MACROD2: variants seen among roughly 807,000 people sequenced by gnomAD.
MACROD2 encodes the protein mono-ADP ribosylhydrolase 2.
MACROD2 carries 36 observed loss-of-function variants against 70.4 expected under a neutral mutation model. The ratio of observed to expected loss-of-function variants is 0.51; its 90% CI spans 0.39 to 0.68. The LOEUF is 0.68. Among genes scored for constraint, MACROD2 ranks in the 30% least tolerant of loss-of-function variants. The pLI is 0.00. For synonymous variants in MACROD2, 172 were observed against 178.8 expected (o/e 0.96, Z 0.30); for missense variants, 496 against 538.4 (o/e 0.92, Z 0.78).
chr20:14,113,412 G>T (rs904559537), intron 3 of MACROD2, among the ~76,000 whole-genome samples: 5 of 151,866 alleles, frequency 3.3e-5, no homozygotes, highest in African/African-American at 9.7e-5. Context: ...TTCTACACTG[G>T]GATTATGAAC....
intron 5 of MACROD2, among the ~76,000 whole-genome samples, chr20:14,790,585 G>T (rs1379111926): frequency 6.6e-6 from 1 of 152,026 alleles, no homozygotes; most frequent in Admixed American, 6.6e-5. Context: ...TTAATTAAGG[G>T]GCTGTGAATA....
At chr20:15,050,364 T>A (rs898136540) in intron 5 of MACROD2, among the ~76,000 whole-genome samples, 1 of 152,128 alleles carries the variant, frequency 6.6e-6, no homozygotes, top group African/African-American at 2.4e-5. Flanking sequence ...ATAATTTATC[T>A]CCATACTTTT....
chr20:14,850,001 T>G (rs373061693), intron 5 of MACROD2: 1 of 517,826 alleles, frequency 1.9e-6, no homozygotes, highest in Non-Finnish European at 3.9e-6. Flanking sequence ...TACCAAAGAT[T>G]AAGTATGTTT....
intron 5 of MACROD2, among the ~76,000 whole-genome samples, chr20:14,744,158 C>T (rs980070520): frequency 6.6e-6 from 1 of 152,158 alleles, no homozygotes; most frequent in African/African-American, 2.4e-5. Flanking sequence ...AAATTTGTTA[C>T]AGCAGCCAGA....
chr20:15,275,519 T>G (rs2077383495), intron 6 of MACROD2, among the ~76,000 whole-genome samples: 1 of 152,218 alleles, frequency 6.6e-6, no homozygotes, highest in Non-Finnish European at 1.5e-5. Context: ...CAAAGTAGAC[T>G]GGGCATCAAA....
chr20:15,531,716 G>A (rs773507721), intron 8 of MACROD2, among the ~76,000 whole-genome samples: 2 of 152,084 alleles, frequency 1.3e-5, no homozygotes, highest in Non-Finnish European at 2.9e-5. Flanking sequence ...GTTATGACTC[G>A]TTCTCTTTTA....
At chr20:14,610,990 A>G (rs1191510220) in intron 4 of MACROD2, among the ~76,000 whole-genome samples, 1 of 152,114 alleles carries the variant, frequency 6.6e-6, no homozygotes, top group Non-Finnish European at 1.5e-5. Flanking sequence ...TATTTTAGTC[A>G]TTTCATAGAG....
Position 15,518,998 on chromosome 20 carries a change from T to C in MACROD2, c.645+19151T>C, listed in dbSNP as rs531912287. ...TTACTATTTTCTATGTGCCGGACATTGTGCTAAGTGTGAATTCTCACCAGG... is the reference window on the plus strand; with the variant it reads ...TTACTATTTTCTATGTGCCGGACATCGTGCTAAGTGTGAATTCTCACCAGG... On this transcript the variant is annotated intron_variant, in intron 8 of 17. Coordinates refer to ENST00000684519, the MANE Select transcript of MACROD2 (RefSeq NM_001351661.2). 5.9e-5 allele frequency among the ~76,000 whole-genome samples: 9 copies of C among 152,346 alleles called. No homozygotes were observed. In the East Asian group the frequency reaches 1.7e-3, roughly 29 times the overall value.
At chr20:14,105,740 CCTT>C (rs779846152) in intron 3 of MACROD2, among the ~76,000 whole-genome samples, 13 of 152,258 alleles carry the variant, frequency 8.5e-5, no homozygotes, top group South Asian at 2.1e-4. Flanking sequence ...AAAAGTGACT[CCTT>C]CTTTCTACTT....
At chr20:14,304,036 C>T (rs2082498760) in intron 3 of MACROD2, among the ~76,000 whole-genome samples, 1 of 152,140 alleles carries the variant, frequency 6.6e-6, no homozygotes, top group African/African-American at 2.4e-5. Context: ...TATTCTGTAC[C>T]ACTTTATTTC....
chr20:14,924,776 A>T (rs915470375), intron 5 of MACROD2, among the ~76,000 whole-genome samples: 2 of 152,122 alleles, frequency 1.3e-5, no homozygotes, highest in Non-Finnish European at 2.9e-5. Flanking sequence ...CTCTGAAGAG[A>T]CACAGATGAA....
chr20:14,231,709 C>T (rs551717538), intron 3 of MACROD2, among the ~76,000 whole-genome samples: 25 of 152,264 alleles, frequency 1.6e-4, no homozygotes, highest in East Asian at 7.7e-4. Flanking sequence ...CCTGAGGAAT[C>T]GCCACACTGA....
intron 5 of MACROD2, among the ~76,000 whole-genome samples, chr20:14,874,709 ATTT>A (rs926502643): frequency 7.8e-6 from 1 of 128,022 alleles, no homozygotes; most frequent in African/African-American, 2.8e-5. Flanking sequence ...TTATTTATTT[ATTT>A]ATTTATTTTT....
chr20:14,900,701 T>G (rs1456770609), intron 5 of MACROD2, among the ~76,000 whole-genome samples: 1 of 152,046 alleles, frequency 6.6e-6, no homozygotes, highest in African/African-American at 2.4e-5. Flanking sequence ...TTTTTTTTCT[T>G]TGCCAGTCAG....
intron 15 of MACROD2, among the ~76,000 whole-genome samples, chr20:16,018,735 CT>C (rs942674946): frequency 2.0e-5 from 3 of 151,980 alleles, no homozygotes; most frequent in African/African-American, 4.8e-5. Context: ...TTATACAAAT[CT>C]TTTTTTTCCA....
intron 8 of MACROD2, among the ~76,000 whole-genome samples, chr20:15,717,790 G>A (rs1337489097): frequency 2.6e-5 from 4 of 152,090 alleles, no homozygotes; most frequent in Admixed American, 1.3e-4. Context: ...AGCCTGATTC[G>A]AGTGTGTTCA....
At chr20:14,283,281 A>G (rs2082320289) in intron 3 of MACROD2, among the ~76,000 whole-genome samples, 1 of 152,202 alleles carries the variant, frequency 6.6e-6, no homozygotes, top group South Asian at 2.1e-4. Context: ...TGCAATGAGA[A>G]CTAAGAGTGC....
At chr20:14,793,181 T>TTGTG (rs143506356) in intron 5 of MACROD2, among the ~76,000 whole-genome samples, 1 of 151,042 alleles carries the variant, frequency 6.6e-6, no homozygotes, top group South Asian at 2.1e-4. Context: ...TTCCCTGTAC[T>TTGTG]TGTGTGTGTG....
intron 5 of MACROD2, among the ~76,000 whole-genome samples, chr20:15,169,939 A>G (rs767951240): frequency 6.6e-6 from 1 of 152,206 alleles, no homozygotes; most frequent in Non-Finnish European, 1.5e-5. Context: ...ATCCATCAAC[A>G]TAATCTTCTT....
Sources: allele counts gnomAD v4.1 joint callset (sites outside exome capture counted in the v4.1 genomes callset), GRCh38; gene constraint gnomAD v4.1.1; transcripts MANE v1.5; gene names NCBI Gene and HGNC (gene_info 2026-07-23, HGNC 2026-07-21).